Variants in TCF12 observed in about 807,000 individuals in gnomAD.
TCF12 encodes the protein transcription factor 12.
Under a neutral mutation model 86.0 loss-of-function variants are expected in TCF12, and 45 were observed. The observed-to-expected ratio is 0.52, with a 90% CI of 0.41 to 0.67. TCF12 has a LOEUF of 0.67. Among genes scored for constraint, TCF12 ranks in the 30% least tolerant of loss-of-function variants. The pLI, the probability that TCF12 is intolerant of heterozygous loss-of-function variation, is 0.00. For synonymous variants in TCF12, 330 were observed against 299.6 expected (o/e 1.10, Z -1.05); for missense variants, 881 against 859.9 (o/e 1.02, Z -0.31).
rs777234282 is a variant in TCF12 at position 56,984,014 on chromosome 15, A to AAAAAAAAAG, written c.148+62918_148+62919insAAAAAAGAA. ...GAGACCCTGTCTCAAAAAAAAAAAA[A>AAAAAAAAAG]AAGAAGAAGAAGAATTTTGGATCAA... On this transcript the variant is annotated intron_variant, in intron 3 of 20. Transcript: ENST00000333725. Among the ~76,000 whole-genome samples, 130 of 102,928 alleles carry AAAAAAAAAG rather than the reference A, an allele frequency of 1.3e-3. 2 individuals are homozygous for AAAAAAAAAG. The highest frequency in any genetic ancestry group is 3.2e-3 in the East Asian group (9 of 2,842). The allele number at this position is 102,928 out of a possible 152,430, so 67.5% of individuals were successfully genotyped here.
chr15:56,975,790 G>T (rs117091561), intron 3 of TCF12, among the ~76,000 whole-genome samples: 3 of 151,920 alleles, frequency 2.0e-5, no homozygotes, highest in Non-Finnish European at 4.4e-5. Flanking sequence ...TCTAAATTGA[G>T]CTTCCTACGT....
At position 57,076,544 on chromosome 15, in the gene TCF12, T is replaced by C. The variant is rs201614027; in HGVS notation, c.222+12721T>C. Among the ~76,000 whole-genome samples, 23 of 150,876 alleles carry C rather than the reference T, an allele frequency of 1.5e-4. No homozygotes were observed. The East Asian group carries it at 3.9e-3, about 26-fold the overall frequency. ...GGCAGGCGCCTGTAGTCCCAGCTAC[T>C]GGGGAGGCTGAGGCAGGAGAATAGC... is the stretch of plus-strand genomic sequence containing the variant. On this transcript the variant is annotated intron_variant, in intron 4 of 20. Transcript: ENST00000333725.
chr15:57,163,236 T>A (rs1285539024), intron 5 of TCF12, among the ~76,000 whole-genome samples: 2 of 152,034 alleles, frequency 1.3e-5, no homozygotes, highest in South Asian at 2.1e-4. Flanking sequence ...GTGAATAGGA[T>A]GTTCAAAATT....
At chr15:57,265,936 ATG>A (rs1161578649) in intron 18 of TCF12, among the ~76,000 whole-genome samples, 1 of 152,168 alleles carries the variant, frequency 6.6e-6, no homozygotes, top group Non-Finnish European at 1.5e-5. Flanking sequence ...GACCACTGTC[ATG>A]TATGTAGTCC....
intron 8 of TCF12, among the ~76,000 whole-genome samples, chr15:57,208,375 A>C (rs1488633287): frequency 1.8e-5 from 1 of 54,702 alleles, no homozygotes; most frequent in African/African-American, 8.0e-5. Flanking sequence ...TTGGACAAAA[A>C]TATCCTTTTT....
chr15:57,117,152 A>G (rs1389106206), intron 5 of TCF12, among the ~76,000 whole-genome samples: 2 of 150,016 alleles, frequency 1.3e-5, no homozygotes, highest in African/African-American at 4.9e-5. Context: ...TGCTCTGCCC[A>G]CCTCTGCCTC....
In TCF12 at chr15:57,132,459, C is replaced by T. The variant is rs575168105; in HGVS notation, c.326-33943C>T. On this transcript the variant is annotated intron_variant, in intron 5 of 20. Transcript: ENST00000333725. ...AGCAAAAATTAATCACCCAAGTCAACTTTCAGGGTTGTCAAAGGGTCAATT... is the reference window on the plus strand; with the variant it reads ...AGCAAAAATTAATCACCCAAGTCAATTTTCAGGGTTGTCAAAGGGTCAATT... 1.3e-4 allele frequency among the ~76,000 whole-genome samples: 20 copies of T among 152,278 alleles called. No homozygotes were observed. In the East Asian group the frequency reaches 3.9e-3, roughly 29 times the overall value.
intron 3 of TCF12, 45 bp from the exon 4 acceptor site, chr15:57,063,705 A>T: frequency 6.4e-7 from 1 of 1,550,546 alleles, no homozygotes; most frequent in Non-Finnish European, 8.8e-7. Context: ...AAAAATCCAC[A>T]AAAGTATGTT....
At chr15:57,108,933 C>G (rs754353795) in intron 5 of TCF12, among the ~76,000 whole-genome samples, 8 of 152,112 alleles carry the variant, frequency 5.3e-5, no homozygotes, top group Non-Finnish European at 1.0e-4. Context: ...TTATAATAAA[C>G]TATGGTGAAT....
At chr15:56,972,621 G>C (rs2062395796) in intron 3 of TCF12, among the ~76,000 whole-genome samples, 1 of 152,116 alleles carries the variant, frequency 6.6e-6, no homozygotes. Flanking sequence ...AGGAACCACA[G>C]ACACAGTTAG....
At chr15:57,273,314 A>G (rs748528552) in intron 19 of TCF12, 52 bp downstream of exon 19, 3 of 1,555,230 alleles carry the variant, frequency 1.9e-6, no homozygotes, top group Non-Finnish European at 2.7e-6. Context: ...ATGGGCAGAC[A>G]TTTCTGTTTA....
chr15:57,011,738 C>T (rs922166785), intron 3 of TCF12, among the ~76,000 whole-genome samples: 3 of 152,098 alleles, frequency 2.0e-5, no homozygotes, highest in Admixed American at 2.0e-4. Context: ...GTCTTCCTAC[C>T]CTCTCCACCC....
At chr15:57,016,941 G>T (rs944756945) in intron 3 of TCF12, among the ~76,000 whole-genome samples, 2 of 152,110 alleles carry the variant, frequency 1.3e-5, no homozygotes, top group African/African-American at 4.8e-5. Flanking sequence ...TCCTGTAAAC[G>T]CACTGGGCAT....
intron 7 of TCF12, among the ~76,000 whole-genome samples, chr15:57,195,859 G>C (rs1357418605): frequency 6.6e-6 from 1 of 152,058 alleles, no homozygotes; most frequent in Non-Finnish European, 1.5e-5. Context: ...TTTTTAATTA[G>C]CTGGGTGCGG....
At chr15:56,925,418 G>A (rs184027913) in intron 3 of TCF12, among the ~76,000 whole-genome samples, 1 of 152,032 alleles carries the variant, frequency 6.6e-6, no homozygotes, top group Non-Finnish European at 1.5e-5. Flanking sequence ...TGTCTTCAAG[G>A]TATCCTTTGC....
chr15:57,003,289 TG>T (rs756859219), intron 3 of TCF12, among the ~76,000 whole-genome samples: 3 of 152,218 alleles, frequency 2.0e-5, no homozygotes, highest in African/African-American at 4.8e-5. Flanking sequence ...TAGGTACCTG[TG>T]AGCATCTGGT....
At chr15:57,044,298 ACAC>A (rs2067085140) in intron 3 of TCF12, among the ~76,000 whole-genome samples, 1 of 152,300 alleles carries the variant, frequency 6.6e-6, no homozygotes, top group East Asian at 1.9e-4. Context: ...ACAGTGGGTC[ACAC>A]CTGTAATCCC....
At chr15:57,206,713 G>A (rs1019578046) in intron 8 of TCF12, among the ~76,000 whole-genome samples, 7 of 148,672 alleles carry the variant, frequency 4.7e-5, no homozygotes, top group Non-Finnish European at 1.0e-4. Flanking sequence ...AAAATCACTT[G>A]AACCCAGGAG....
chr15:57,283,983 A>T (rs780654142), intron 20 of TCF12, among the ~76,000 whole-genome samples: 2 of 152,152 alleles, frequency 1.3e-5, no homozygotes, highest in Admixed American at 6.6e-5. Flanking sequence ...CACACTGGAG[A>T]AAACCTCAAA....
Sources: allele counts gnomAD v4.1 joint callset (sites outside exome capture counted in the v4.1 genomes callset), GRCh38; gene constraint gnomAD v4.1.1; transcripts MANE v1.5; gene names NCBI Gene and HGNC (gene_info 2026-07-23, HGNC 2026-07-21).